Variants in LINC00305 observed in about 807,000 individuals in gnomAD.
LINC00305 encodes the protein long intergenic non-protein coding RNA 305.
At chr18:64,114,339 A>T (rs922871232) in intron 1 of LINC00305, among the ~76,000 whole-genome samples, 2 of 152,160 alleles carry the variant, frequency 1.3e-5, no homozygotes, top group Admixed American at 6.5e-5. Flanking sequence ...TCTGAATTCT[A>T]CTTTGGGGGA....
At chr18:64,141,013 C>T (rs1415646521) in intron 1 of LINC00305, among the ~76,000 whole-genome samples, 3 of 141,292 alleles carry the variant, frequency 2.1e-5, no homozygotes, top group Non-Finnish European at 3.0e-5. Flanking sequence ...GACCTAGCGC[C>T]GCAAGGAACC....
intron 1 of LINC00305, among the ~76,000 whole-genome samples, chr18:64,106,785 A>C (rs1176193308): frequency 6.6e-6 from 1 of 152,164 alleles, no homozygotes; most frequent in Non-Finnish European, 1.5e-5. Context: ...ATCAGCAAGC[A>C]GAATAAGAAA....
At chr18:64,143,661 G>A (rs548341268) in intron 1 of LINC00305, among the ~76,000 whole-genome samples, 1,520 of 132,038 alleles carry the variant, frequency 0.012, 49 homozygotes, top group African/African-American at 0.018. Context: ...GTATGTACAC[G>A]TATTATGTAT....
chr18:64,126,372 A>AT (rs919449603), intron 1 of LINC00305, among the ~76,000 whole-genome samples: 9 of 152,166 alleles, frequency 5.9e-5, no homozygotes, highest in African/African-American at 2.2e-4. Flanking sequence ...CAGTAATTAT[A>AT]TTTTTTTCAC....
Position 64,119,324 on chromosome 18 carries a change from A to G in LINC00305, n.315-20684T>C, listed in dbSNP as rs187838416. On this transcript the variant is annotated intron_variant and non_coding_transcript_variant, in intron 1 of 3. Coordinates refer to ENST00000666468, the Ensembl canonical transcript of LINC00305. ...GGCTGAAGCTGGCTGATTCTGGTGG[A>G]GAATCATTTAGAAGTGATTAAATAG... Among the ~76,000 whole-genome samples, 55 of 152,242 alleles carry G rather than the reference A, an allele frequency of 3.6e-4. 1 individual carries two copies. In the East Asian group the frequency reaches 6.4e-3, roughly 18 times the overall value.
intron 1 of LINC00305, among the ~76,000 whole-genome samples, chr18:64,107,103 T>C (rs2051294356): frequency 1.3e-5 from 2 of 152,232 alleles, no homozygotes; most frequent in African/African-American, 4.8e-5. Context: ...AGAGAAGACA[T>C]TCAAAATGGT....
intron 1 of LINC00305, among the ~76,000 whole-genome samples, chr18:64,127,948 G>A (rs1372714480): frequency 2.0e-5 from 3 of 152,086 alleles, no homozygotes; most frequent in Non-Finnish European, 4.4e-5. Context: ...TTTGGGAGGA[G>A]GGAGGTTGAT....
intron 3 of LINC00305, among the ~76,000 whole-genome samples, chr18:64,086,450 T>C (rs763017779): frequency 9.9e-5 from 15 of 152,138 alleles, no homozygotes; most frequent in Non-Finnish European, 5.9e-5. Flanking sequence ...TTTCCAAAAA[T>C]TGAAAAAACA....
chr18:64,128,248 T>C (rs1215458195), intron 1 of LINC00305, among the ~76,000 whole-genome samples: 1 of 152,118 alleles, frequency 6.6e-6, no homozygotes, highest in Non-Finnish European at 1.5e-5. Flanking sequence ...CCTGAGCTAC[T>C]TGTGCAATGT....
At chr18:64,110,660 G>A (rs1195250586) in intron 1 of LINC00305, among the ~76,000 whole-genome samples, 1 of 152,114 alleles carries the variant, frequency 6.6e-6, no homozygotes, top group East Asian at 1.9e-4. Context: ...ATATTTACCT[G>A]TTATCTGTGT....
intron 3 of LINC00305, among the ~76,000 whole-genome samples, chr18:64,097,477 T>A: frequency 6.6e-6 from 1 of 152,074 alleles, no homozygotes; most frequent in East Asian, 1.9e-4. Context: ...GAAACAATAA[T>A]GTAAAACTTG....
intron 1 of LINC00305, among the ~76,000 whole-genome samples, chr18:64,108,855 G>A (rs564386976): frequency 3.2e-4 from 49 of 152,320 alleles, no homozygotes; most frequent in African/African-American, 9.6e-4. Context: ...CAAAGACTGC[G>A]AAGTATTTAT....
intron 1 of LINC00305, among the ~76,000 whole-genome samples, chr18:64,120,534 A>G (rs959774207): frequency 6.7e-6 from 1 of 148,772 alleles, no homozygotes; most frequent in South Asian, 2.1e-4. Context: ...TGAGTATAAT[A>G]TTTGTTTTGG....
exon 3 of LINC00305, chr18:64,097,847 T>C (rs1290874193): frequency 2.2e-6 from 1 of 457,878 alleles, no homozygotes; most frequent in Non-Finnish European, 4.4e-6. Context: ...TATTCTTCAT[T>C]GAGAGCATGT....
chr18:64,130,123 C>T (rs1269872228), intron 1 of LINC00305, among the ~76,000 whole-genome samples: 1 of 152,074 alleles, frequency 6.6e-6, no homozygotes, highest in Non-Finnish European at 1.5e-5. Context: ...ACAACACTCT[C>T]TTTTACCCTA....
chr18:64,134,660 G>A (rs979980605), intron 1 of LINC00305, among the ~76,000 whole-genome samples: 10 of 152,164 alleles, frequency 6.6e-5, no homozygotes, highest in African/African-American at 2.2e-4. Flanking sequence ...ATAAAATAGG[G>A]GGGTCCAAGT....
At chr18:64,145,421 T>C (rs538990374) in intron 1 of LINC00305, among the ~76,000 whole-genome samples, 24 of 152,258 alleles carry the variant, frequency 1.6e-4, no homozygotes, top group Non-Finnish European at 2.9e-4. Flanking sequence ...CAGTGCATTG[T>C]TGGCACCATG....
At chr18:64,139,105 C>T (rs1207542872) in intron 1 of LINC00305, among the ~76,000 whole-genome samples, 2 of 152,184 alleles carry the variant, frequency 1.3e-5, no homozygotes, top group African/African-American at 4.8e-5. Context: ...CCTCTGCGTG[C>T]ACTCCACCTC....
At chr18:64,136,926 T>C (rs1303588449) in intron 1 of LINC00305, among the ~76,000 whole-genome samples, 1 of 151,954 alleles carries the variant, frequency 6.6e-6, no homozygotes, top group Non-Finnish European at 1.5e-5. Context: ...AGTGGTGCTG[T>C]TTGGTGCTCA....
Sources: allele counts gnomAD v4.1 joint callset (sites outside exome capture counted in the v4.1 genomes callset), GRCh38; gene constraint gnomAD v4.1.1; transcripts MANE v1.5; gene names NCBI Gene and HGNC (gene_info 2026-07-23, HGNC 2026-07-21).